PRKN: variants seen among roughly 807,000 people sequenced by gnomAD.
PRKN encodes the protein parkin RBR E3 ubiquitin protein ligase.
A neutral mutation model predicts 59.5 loss-of-function variants in PRKN; 56 were observed. That is an observed-to-expected ratio of 0.94 (90% confidence interval 0.76 to 1.18). The LOEUF is 1.18. PRKN is among the 50% of genes most tolerant of loss of function. The pLI is 0.00. For missense variants in PRKN, 657 were observed against 596.4 expected (o/e 1.10, Z -1.06); for synonymous variants, 250 against 222.1 (o/e 1.13, Z -1.12).
rs184807391 is a variant in PRKN, at chr6:161,486,170, G to A, written c.1083+62684C>T. 4.9e-4 allele frequency among the ~76,000 whole-genome samples: 74 copies of A among 151,872 alleles called. No individual in the cohort carries two copies. The East Asian group carries it at 7.9e-3, about 16-fold the overall frequency. On this transcript the variant is annotated intron_variant, in intron 9 of 11. Coordinates refer to ENST00000366898, the MANE Select transcript of PRKN (RefSeq NM_004562.3). ...GACACATGTAATCATGTATTATTTC[G>A]TTCTTTCTATATTTCATTACGTTGC...
chr6:162,169,614 G>T (rs1252718327), intron 4 of PRKN, among the ~76,000 whole-genome samples: 2 of 152,206 alleles, frequency 1.3e-5, no homozygotes, highest in Non-Finnish European at 2.9e-5. Context: ...CGATATGCAG[G>T]TGTAGGAGTT....
chr6:162,366,823 C>T (rs374411355), intron 2 of PRKN, among the ~76,000 whole-genome samples: 5 of 152,146 alleles, frequency 3.3e-5, no homozygotes, highest in African/African-American at 7.2e-5. Context: ...AGCTTGAACC[C>T]GGGAGGTGGA....
intron 6 of PRKN, among the ~76,000 whole-genome samples, chr6:161,792,011 A>T (rs1790658331): frequency 6.6e-6 from 1 of 152,228 alleles, no homozygotes; most frequent in Admixed American, 6.5e-5. Context: ...CTCAAGCAGT[A>T]CTATGGTGAA....
intron 1 of PRKN, among the ~76,000 whole-genome samples, chr6:162,683,524 A>G (rs1779848489): frequency 6.6e-6 from 1 of 152,174 alleles, no homozygotes; most frequent in Admixed American, 6.5e-5. Context: ...TGCTATATAA[A>G]TAAGTGACTC....
At chr6:162,586,911 T>TA (rs1781084468) in intron 1 of PRKN, among the ~76,000 whole-genome samples, 1 of 152,172 alleles carries the variant, frequency 6.6e-6, no homozygotes, top group South Asian at 2.1e-4. Context: ...ATGCCCGTGA[T>TA]AGGCACTGTG....
chr6:161,868,366 G>A (rs1358288315), intron 6 of PRKN, among the ~76,000 whole-genome samples: 1 of 151,874 alleles, frequency 6.6e-6, no homozygotes, highest in Non-Finnish European at 1.5e-5. Flanking sequence ...ATCACTCGAA[G>A]CTAGGAGTTC....
chr6:162,579,975 T>C (rs570021866), intron 1 of PRKN, among the ~76,000 whole-genome samples: 5 of 152,316 alleles, frequency 3.3e-5, no homozygotes, highest in South Asian at 4.1e-4. Context: ...TGATTAAACA[T>C]GACCTATCAT....
intron 7 of PRKN, among the ~76,000 whole-genome samples, chr6:161,666,210 C>T (rs993569812): frequency 1.3e-5 from 2 of 152,200 alleles, no homozygotes; most frequent in African/African-American, 2.4e-5. Flanking sequence ...AGTACCTGTC[C>T]GTAGCCTGTT....
intron 6 of PRKN, among the ~76,000 whole-genome samples, chr6:161,824,302 G>A (rs1317115139): frequency 1.3e-5 from 2 of 152,212 alleles, no homozygotes; most frequent in African/African-American, 2.4e-5. Context: ...CAAGTCATAA[G>A]TGCAAGGTGC....
intron 2 of PRKN, among the ~76,000 whole-genome samples, chr6:162,440,664 A>G (rs1397714735): frequency 1.3e-5 from 2 of 152,100 alleles, no homozygotes; most frequent in South Asian, 4.2e-4. Context: ...AAGCATAGAC[A>G]CCACCCCAGC....
intron 1 of PRKN, among the ~76,000 whole-genome samples, chr6:162,600,412 T>G (rs9365471): frequency 0.18 from 28,069 of 152,162 alleles, 3,228 homozygotes; most frequent in East Asian, 0.49. Flanking sequence ...TTGGGGCTAT[T>G]ATGAATAAAG....
chr6:161,666,172 G>T (rs1455019011), intron 7 of PRKN, among the ~76,000 whole-genome samples: 1 of 152,120 alleles, frequency 6.6e-6, no homozygotes, highest in African/African-American at 2.4e-5. Context: ...ACAGGGCAGG[G>T]GGTCCCCAAC....
At chr6:162,275,649 G>A (rs936825161) in intron 2 of PRKN, among the ~76,000 whole-genome samples, 1 of 152,078 alleles carries the variant, frequency 6.6e-6, no homozygotes, top group Non-Finnish European at 1.5e-5. Context: ...GCCAGGCGTG[G>A]TGGCGGATGC....
intron 1 of PRKN, among the ~76,000 whole-genome samples, chr6:162,510,374 G>A (rs746223777): frequency 3.3e-5 from 5 of 150,044 alleles, no homozygotes; most frequent in Non-Finnish European, 5.9e-5. Flanking sequence ...ATATGATGAT[G>A]GCAGGTGCTT....
At chr6:161,773,385 C>G (rs1360557861) in intron 7 of PRKN, among the ~76,000 whole-genome samples, 1 of 152,136 alleles carries the variant, frequency 6.6e-6, no homozygotes, top group African/African-American at 2.4e-5. Context: ...AAAAATTGTG[C>G]CAACTGCTGA....
At chr6:162,393,058 C>T (rs1583492707) in intron 2 of PRKN, among the ~76,000 whole-genome samples, 1 of 151,880 alleles carries the variant, frequency 6.6e-6, no homozygotes, top group East Asian at 1.9e-4. Flanking sequence ...TTCACCCAAG[C>T]TGGCTCCAGT....
chr6:161,674,885 T>A (rs1785033481), intron 7 of PRKN, among the ~76,000 whole-genome samples: 1 of 152,084 alleles, frequency 6.6e-6, no homozygotes, highest in South Asian at 2.1e-4. Flanking sequence ...TGATGAAGAG[T>A]CAAGGGTAGG....
intron 7 of PRKN, among the ~76,000 whole-genome samples, chr6:161,615,404 A>T (rs1054695972): frequency 1.4e-4 from 21 of 152,238 alleles, no homozygotes; most frequent in African/African-American, 4.8e-4. Flanking sequence ...GGTCTAGAGA[A>T]ATACTCAGGG....
chr6:161,422,197 CTTTTTTT>C (rs527857631), intron 9 of PRKN, among the ~76,000 whole-genome samples: 186 of 130,086 alleles, frequency 1.4e-3, no homozygotes, highest in Non-Finnish European at 2.2e-3. Context: ...CAAATAAAAT[CTTTTTTT>C]TTTTTTTTTT....
Sources: gnomAD v4.1 joint callset for allele counts (sites outside exome capture counted in the v4.1 genomes callset) on GRCh38, gnomAD v4.1.1 for gene constraint, MANE v1.5 for transcripts, NCBI Gene and HGNC (gene_info 2026-07-23, HGNC 2026-07-21) for gene names.